Variants in SIPA1L1 observed in about 807,000 individuals in gnomAD.
SIPA1L1 encodes signal-induced proliferation-associated 1-like protein 1.
Under a neutral mutation model 162.7 loss-of-function variants are expected in SIPA1L1, and 26 were observed. That is an observed-to-expected ratio of 0.16 (90% CI 0.12 to 0.22). SIPA1L1 has a LOEUF of 0.22. Among genes scored for constraint, SIPA1L1 ranks in the 10% least tolerant of loss-of-function variants. The pLI, the probability that SIPA1L1 is intolerant of heterozygous loss-of-function variation, is 1.00. For synonymous variants in SIPA1L1, 829 were observed against 837.4 expected (o/e 0.99, Z 0.17); for missense variants, 1,874 against 2,241.0 (o/e 0.84, Z 3.31).
rs192296081 is a variant in SIPA1L1 at position 71,391,512 on chromosome 14, A to G, written c.-465+70331A>G. ...GATACGTGATTTGAAGGACAGGTAA[A>G]TGCTGCTTATGAGAACAGTTCATAT... On this transcript the variant is annotated intron_variant, in intron 2 of 23. Coordinates refer to ENST00000381232, the MANE Select transcript of SIPA1L1 (RefSeq NM_001386936.1). Among the ~76,000 whole-genome samples, 10 of 152,352 alleles carry G rather than the reference A, an allele frequency of 6.6e-5. No homozygotes were observed. In the East Asian group the frequency reaches 1.9e-3, roughly 29 times the overall value.
intron 2 of SIPA1L1, among the ~76,000 whole-genome samples, chr14:71,373,729 C>T (rs1023964921): frequency 1.3e-5 from 2 of 151,418 alleles, no homozygotes; most frequent in Admixed American, 1.3e-4. Context: ...TTTTTCTCCT[C>T]TCTTCTTCCT....
intron 17 of SIPA1L1, among the ~76,000 whole-genome samples, chr14:71,716,329 A>C (rs951595155): frequency 2.6e-5 from 4 of 152,314 alleles, no homozygotes; most frequent in African/African-American, 7.2e-5. Context: ...AAACCCGATC[A>C]GCTCTCCTCT....
intron 2 of SIPA1L1, among the ~76,000 whole-genome samples, chr14:71,477,333 C>T (rs1236788478): frequency 6.6e-6 from 1 of 151,968 alleles, no homozygotes; most frequent in Non-Finnish European, 1.5e-5. Flanking sequence ...TGATCTGTTC[C>T]CCATCTCCAT....
chr14:71,400,595 G>C (rs1196712745), intron 2 of SIPA1L1, among the ~76,000 whole-genome samples: 1 of 151,524 alleles, frequency 6.6e-6, no homozygotes, highest in African/African-American at 2.4e-5. Context: ...AAATATACTA[G>C]GAGGAATGAG....
intron 22 of SIPA1L1, 76 bp downstream of exon 22, chr14:71,735,467 A>T: frequency 9.7e-7 from 1 of 1,032,214 alleles, no homozygotes; most frequent in Non-Finnish European, 1.5e-6. Context: ...GGGAGAAGAG[A>T]TGGAAGCCAC....
rs1329564924 is a variant in SIPA1L1 at position 71,705,348 on chromosome 14, A to T, written c.3765+8A>T. The T allele has an allele frequency of 6.3e-7, 1 of 1,577,644 alleles. No homozygotes were observed. Among genetic ancestry groups the T allele is most frequent in the Admixed American group, 1.7e-5 (1 of 59,982 alleles). Reference sequence around the variant, plus strand: ...CCAAACAAACAAGGGCATGTAAGTTAACTGTAAACTTAAAAAAGTATTAGA... The same window carrying T: ...CCAAACAAACAAGGGCATGTAAGTTTACTGTAAACTTAAAAAAGTATTAGA... On this transcript the variant is annotated splice_region_variant and intron_variant, in intron 16 of 23. Transcript: ENST00000381232.
chr14:71,478,520 T>C (rs141115246), intron 2 of SIPA1L1, among the ~76,000 whole-genome samples: 2,655 of 152,338 alleles, frequency 0.017, 71 homozygotes, highest in African/African-American at 0.06. Flanking sequence ...TTATTTTGAA[T>C]TAATATTTCT....
intron 2 of SIPA1L1, among the ~76,000 whole-genome samples, chr14:71,456,122 A>G (rs773501103): frequency 6.6e-6 from 1 of 152,214 alleles, no homozygotes; most frequent in Non-Finnish European, 1.5e-5. Flanking sequence ...CTGAGACAGA[A>G]CCCTGGTGTT....
chr14:71,343,154 C>CT (rs1196645600), intron 2 of SIPA1L1, among the ~76,000 whole-genome samples: 3 of 152,216 alleles, frequency 2.0e-5, no homozygotes, highest in Admixed American at 1.3e-4. Flanking sequence ...TGTTGACCTG[C>CT]TTAAGAGTGT....
chr14:71,439,992 G>A (rs750636557), intron 2 of SIPA1L1, among the ~76,000 whole-genome samples: 13 of 152,304 alleles, frequency 8.5e-5, no homozygotes, highest in African/African-American at 3.1e-4. Flanking sequence ...GAAGAGGTCA[G>A]TCATATACAG....
At chr14:71,493,457 C>G (rs980778485) in intron 2 of SIPA1L1, among the ~76,000 whole-genome samples, 4 of 152,092 alleles carry the variant, frequency 2.6e-5, no homozygotes, top group Non-Finnish European at 4.4e-5. Context: ...TGTTTGTGAA[C>G]AATACAAATT....
chr14:71,575,230 A>T (rs1331471253), intron 4 of SIPA1L1: 1 of 152,180 alleles, frequency 6.6e-6, no homozygotes, highest in African/African-American at 2.4e-5. Context: ...TAAATACTTA[A>T]GTTGCTGCGG....
chr14:71,336,218 T>C (rs916454743), intron 2 of SIPA1L1, among the ~76,000 whole-genome samples: 1 of 152,198 alleles, frequency 6.6e-6, no homozygotes, highest in African/African-American at 2.4e-5. Flanking sequence ...TGAGTTATAA[T>C]TCTCTATTTA....
At chr14:71,636,607 A>C (rs903657083) in intron 7 of SIPA1L1, among the ~76,000 whole-genome samples, 2 of 152,252 alleles carry the variant, frequency 1.3e-5, no homozygotes, top group African/African-American at 4.8e-5. Flanking sequence ...ATCTCAAACC[A>C]GTAATCTAAG....
At chr14:71,454,769 A>G (rs939820517) in intron 2 of SIPA1L1, among the ~76,000 whole-genome samples, 3 of 152,218 alleles carry the variant, frequency 2.0e-5, no homozygotes, top group Non-Finnish European at 4.4e-5. Context: ...GCTGTTTATT[A>G]TAAAACCATA....
intron 5 of SIPA1L1, among the ~76,000 whole-genome samples, chr14:71,602,185 G>A (rs996748496): frequency 6.6e-6 from 1 of 152,002 alleles, no homozygotes; most frequent in African/African-American, 2.4e-5. Flanking sequence ...TATTTTTGAT[G>A]TGTTGCTCAT....
chr14:71,652,037 T>C (rs2042663851), intron 8 of SIPA1L1, among the ~76,000 whole-genome samples: 1 of 152,202 alleles, frequency 6.6e-6, no homozygotes, highest in South Asian at 2.1e-4. Flanking sequence ...ATGTCTGACC[T>C]TTCAGGGCAT....
At chr14:71,720,869 A>G (rs2083662376) in intron 17 of SIPA1L1, among the ~76,000 whole-genome samples, 2 of 152,120 alleles carry the variant, frequency 1.3e-5, no homozygotes, top group South Asian at 4.1e-4. Context: ...GATATCTTGA[A>G]GTTTATTGAA....
At chr14:71,492,796 T>C (rs2049393678) in intron 2 of SIPA1L1, among the ~76,000 whole-genome samples, 1 of 151,908 alleles carries the variant, frequency 6.6e-6, no homozygotes. Flanking sequence ...AGATTTTTTT[T>C]TTTTTTTTAA....
Sources: allele counts gnomAD v4.1 joint callset (sites outside exome capture counted in the v4.1 genomes callset), GRCh38; gene constraint gnomAD v4.1.1; transcripts MANE v1.5; gene names NCBI Gene and HGNC (gene_info 2026-07-23, HGNC 2026-07-21).